SGCZ: variants seen among roughly 807,000 people sequenced by gnomAD.
SGCZ encodes sarcoglycan zeta.
Under a neutral mutation model 41.3 loss-of-function variants are expected in SGCZ, and 40 were observed. That is an observed-to-expected ratio of 0.97 (90% confidence interval 0.75 to 1.26). SGCZ has a LOEUF of 1.26. SGCZ is among the 50% of genes most tolerant of loss of function. The pLI is 0.00. For synonymous variants in SGCZ, 206 were observed against 137.5 expected, an observed-to-expected ratio of 1.50 and a Z score of -3.49; for missense variants, 552 against 369.8, an observed-to-expected ratio of 1.49 and a Z score of -4.04.
intron 1 of SGCZ, among the ~76,000 whole-genome samples, chr8:14,556,820 C>G (rs1169256743): frequency 1.3e-5 from 2 of 151,910 alleles, no homozygotes; most frequent in East Asian, 1.9e-4. Flanking sequence ...CATATATATA[C>G]CACAGCTTAT....
At chr8:14,935,794 T>C (rs1800063473) in intron 1 of SGCZ, among the ~76,000 whole-genome samples, 1 of 151,776 alleles carries the variant, frequency 6.6e-6, no homozygotes, top group Non-Finnish European at 1.5e-5. Context: ...ACAAAGGCTA[T>C]TAAGATAGAC....
intron 4 of SGCZ, among the ~76,000 whole-genome samples, chr8:14,203,617 G>C (rs1805525776): frequency 6.6e-6 from 1 of 152,162 alleles, no homozygotes; most frequent in South Asian, 2.1e-4. Flanking sequence ...TACAATGGAA[G>C]TGTTTGAATG....
intron 5 of SGCZ, among the ~76,000 whole-genome samples, chr8:14,119,805 A>G (rs1802642331): frequency 6.6e-6 from 1 of 152,150 alleles, no homozygotes; most frequent in East Asian, 1.9e-4. Flanking sequence ...CCTTTTCTGA[A>G]TCTATTTAGA....
chr8:14,892,476 C>G (rs1001724927), intron 1 of SGCZ, among the ~76,000 whole-genome samples: 3 of 152,146 alleles, frequency 2.0e-5, no homozygotes, highest in Non-Finnish European at 2.9e-5. Context: ...GAAATTCTAG[C>G]AAGCAGGAAA....
intron 4 of SGCZ, among the ~76,000 whole-genome samples, chr8:14,184,903 T>C (rs912583000): frequency 1.1e-4 from 17 of 152,304 alleles, no homozygotes; most frequent in Non-Finnish European, 2.1e-4. Flanking sequence ...TCTTATAAAA[T>C]ATAGCACCAC....
At chr8:15,169,149 C>G (rs959377746) in intron 1 of SGCZ, among the ~76,000 whole-genome samples, 4 of 152,198 alleles carry the variant, frequency 2.6e-5, no homozygotes, top group African/African-American at 7.2e-5. Flanking sequence ...TAAGGAAGCT[C>G]TGACTGCCGC....
At chr8:14,664,027 C>A (rs1027920739) in intron 1 of SGCZ, among the ~76,000 whole-genome samples, 2 of 152,212 alleles carry the variant, frequency 1.3e-5, no homozygotes, top group South Asian at 4.1e-4. Flanking sequence ...AATCAAAATT[C>A]ACTCCAACTA....
At chr8:15,158,108 T>C (rs1563156547) in intron 1 of SGCZ, among the ~76,000 whole-genome samples, 1 of 152,036 alleles carries the variant, frequency 6.6e-6, no homozygotes, top group Non-Finnish European at 1.5e-5. Flanking sequence ...TCCTTTTCTC[T>C]AGATCTCTCT....
intron 3 of SGCZ, among the ~76,000 whole-genome samples, chr8:14,296,580 A>G (rs1801019099): frequency 6.6e-6 from 1 of 152,210 alleles, no homozygotes; most frequent in South Asian, 2.1e-4. Context: ...TATGAAGTTT[A>G]GAAAGGTGTA....
intron 5 of SGCZ, among the ~76,000 whole-genome samples, chr8:14,134,911 GTTAAA>G (rs529189982): frequency 6.6e-6 from 1 of 152,102 alleles, no homozygotes; most frequent in African/African-American, 2.4e-5. Context: ...TGATGAGAAT[GTTAAA>G]TTAAAACTTT....
intron 2 of SGCZ, among the ~76,000 whole-genome samples, chr8:14,398,750 G>A (rs1295718962): frequency 6.6e-6 from 1 of 152,118 alleles, no homozygotes. Context: ...TTAAACTACA[G>A]AGTCTGAGTT....
intron 5 of SGCZ, among the ~76,000 whole-genome samples, chr8:14,119,546 T>C (rs985164688): frequency 6.6e-6 from 1 of 152,210 alleles, no homozygotes; most frequent in South Asian, 2.1e-4. Context: ...AAATACACAT[T>C]CTTTCTTTCT....
At chr8:14,729,114 T>C (rs1260792630) in intron 1 of SGCZ, among the ~76,000 whole-genome samples, 1 of 152,154 alleles carries the variant, frequency 6.6e-6, no homozygotes, top group Non-Finnish European at 1.5e-5. Context: ...AAGAAACCCA[T>C]TCTATCAAAA....
At chr8:14,929,964 G>A (rs1227303792) in intron 1 of SGCZ, among the ~76,000 whole-genome samples, 2 of 151,930 alleles carry the variant, frequency 1.3e-5, no homozygotes, top group Non-Finnish European at 2.9e-5. Flanking sequence ...AAACTTGGAT[G>A]TTCAGTACAA....
rs374182213 is a variant in SGCZ at position 14,659,856 on chromosome 8, T to C, written c.40-104930A>G. 7.9e-5 allele frequency among the ~76,000 whole-genome samples: 12 copies of C among 152,186 alleles called. No homozygotes were observed. The South Asian group carries it at 2.1e-3, about 26-fold the overall frequency. ...ACTATTTCAAGTCAGGATGAGATCA[T>C]ACAGGAGTACCTATTACAGGTCACA... On this transcript the variant is annotated intron_variant, in intron 1 of 7. Coordinates refer to ENST00000382080, the MANE Select transcript of SGCZ (RefSeq NM_139167.4).
At chr8:14,551,135 G>A (rs1392814569) in intron 2 of SGCZ, among the ~76,000 whole-genome samples, 1 of 145,136 alleles carries the variant, frequency 6.9e-6, no homozygotes, top group African/African-American at 2.5e-5. Context: ...TTTTTTGCTG[G>A]CTAGTTAGCA....
At chr8:15,035,738 A>G (rs1466471555) in intron 1 of SGCZ, among the ~76,000 whole-genome samples, 1 of 152,152 alleles carries the variant, frequency 6.6e-6, no homozygotes, top group African/African-American at 2.4e-5. Flanking sequence ...AACAAGACAA[A>G]AAGGTCAGTA....
At chr8:14,633,120 G>T (rs535195871) in intron 1 of SGCZ, among the ~76,000 whole-genome samples, 109 of 152,098 alleles carry the variant, frequency 7.2e-4, no homozygotes, top group African/African-American at 2.6e-3. Context: ...ACAACATCAT[G>T]AATGTTTGCT....
At chr8:14,797,335 G>A (rs1160197498) in intron 1 of SGCZ, among the ~76,000 whole-genome samples, 1 of 152,146 alleles carries the variant, frequency 6.6e-6, no homozygotes. Context: ...AGCCCAAGCT[G>A]AGATGGTCTC....
Sources: gnomAD v4.1 joint callset for allele counts (sites outside exome capture counted in the v4.1 genomes callset) on GRCh38, gnomAD v4.1.1 for gene constraint, MANE v1.5 for transcripts, NCBI Gene and HGNC (gene_info 2026-07-23, HGNC 2026-07-21) for gene names.